Variants in VAV3 observed in about 807,000 individuals in gnomAD.
VAV3 encodes the protein guanine nucleotide exchange factor VAV3.
A neutral mutation model predicts 131.2 loss-of-function variants in VAV3; 94 were observed. That is an observed-to-expected ratio of 0.72 (90% CI 0.61 to 0.85). The LOEUF (loss-of-function observed/expected upper bound fraction) is 0.85, where lower values mean the gene tolerates loss of function less well. VAV3 is among the 40% of genes least tolerant of loss of function. The pLI is 0.00. For synonymous variants in VAV3, 349 were observed against 342.0 expected, an observed-to-expected ratio of 1.02 and a Z score of -0.22; for missense variants, 939 against 1,002.7, an observed-to-expected ratio of 0.94 and a Z score of 0.86.
intron 24 of VAV3, among the ~76,000 whole-genome samples, chr1:107,598,916 G>A (rs1166623339): frequency 1.3e-5 from 2 of 152,082 alleles, no homozygotes; most frequent in Non-Finnish European, 1.5e-5. Context: ...TTTAGCAAAT[G>A]TGAAAACAAA....
intron 1 of VAV3, among the ~76,000 whole-genome samples, chr1:107,924,322 T>C (rs1673049510): frequency 6.6e-6 from 1 of 150,798 alleles, no homozygotes; most frequent in South Asian, 2.1e-4. Flanking sequence ...TGTTTCCACA[T>C]AAAGAATTTT....
intron 2 of VAV3, among the ~76,000 whole-genome samples, chr1:107,873,552 C>T (rs988331058): frequency 1.1e-4 from 17 of 152,046 alleles, no homozygotes; most frequent in Non-Finnish European, 2.1e-4. Context: ...TTTTCAGGGC[C>T]AACAGCTTAG....
At chr1:107,899,270 T>C (rs1671749590) in intron 1 of VAV3, among the ~76,000 whole-genome samples, 1 of 152,106 alleles carries the variant, frequency 6.6e-6, no homozygotes, top group African/African-American at 2.4e-5. Flanking sequence ...GGCACAGTCA[T>C]AGAGATATAT....
At chr1:107,640,481 A>G (rs1655262489) in intron 20 of VAV3, among the ~76,000 whole-genome samples, 1 of 152,228 alleles carries the variant, frequency 6.6e-6, no homozygotes. Flanking sequence ...ACAAAGCAAC[A>G]GGAAGGAGCA....
rs558858218 is a variant in VAV3 at position 107,885,429 on chromosome 1, T to TAA, written c.205-10414_205-10413dup. 4.2e-3 allele frequency among the ~76,000 whole-genome samples: 612 copies of TAA among 144,682 alleles called. 5 individuals carry two copies. Among genetic ancestry groups the TAA allele is most frequent in the African/African-American group, 0.015 (575 of 39,430 alleles). The allele number at this position is 144,682 out of a possible 152,430, so 94.9% of individuals were successfully genotyped here. ...AACTTATTTTAAAAGTACCAACAGT[T>TAA]AAAAAAAAAAGAAAAGAAAAATACA... On this transcript the variant is annotated intron_variant, in intron 1 of 26. Coordinates refer to ENST00000370056, the MANE Select transcript of VAV3 (RefSeq NM_006113.5).
At chr1:107,725,054 G>GGTA (rs2101939572) in intron 15 of VAV3, among the ~76,000 whole-genome samples, 1 of 152,290 alleles carries the variant, frequency 6.6e-6, no homozygotes, top group East Asian at 1.9e-4. Context: ...TAGCAATCTA[G>GGTA]GTAGAAGACC....
chr1:107,745,188 G>C (rs1663261813), intron 15 of VAV3, among the ~76,000 whole-genome samples: 3 of 151,684 alleles, frequency 2.0e-5, no homozygotes, highest in African/African-American at 7.3e-5. Context: ...GAGACAGTTA[G>C]TGACAAAAAA....
chr1:107,950,357 T>C (rs924206778), intron 1 of VAV3, among the ~76,000 whole-genome samples: 1 of 152,068 alleles, frequency 6.6e-6, no homozygotes, highest in South Asian at 2.1e-4. Context: ...TTGTAGTGTG[T>C]GGAATGGGAC....
At chr1:107,844,955 C>A (rs1668897308) in intron 2 of VAV3, among the ~76,000 whole-genome samples, 2 of 151,768 alleles carry the variant, frequency 1.3e-5, no homozygotes, top group South Asian at 4.2e-4. Flanking sequence ...TTGAGCTCTG[C>A]TAAGGGACAG....
rs1670198447 is a variant in VAV3 at position 107,870,391 on chromosome 1, T to C, written c.321+4510A>G. ...TTTGCATTTCCCTGATCATTAGTGA[T>C]ATTGAACATTTTTTCATATGTTTGT... On this transcript the variant is annotated intron_variant, in intron 2 of 26. Transcript: ENST00000370056. Among the ~76,000 whole-genome samples, 6 of 152,212 alleles carry C rather than the reference T, an allele frequency of 3.9e-5. No individual in the cohort carries two copies. The South Asian group carries it at 1.2e-3, about 31-fold the overall frequency.
intron 19 of VAV3, among the ~76,000 whole-genome samples, chr1:107,645,484 CTT>C (rs1301831020): frequency 6.6e-6 from 1 of 152,026 alleles, no homozygotes; most frequent in Non-Finnish European, 1.5e-5. Context: ...ACAACTTGCT[CTT>C]TGCTTCTGAT....
At chr1:107,958,170 C>T (rs1674908291) in intron 1 of VAV3, among the ~76,000 whole-genome samples, 1 of 152,176 alleles carries the variant, frequency 6.6e-6, no homozygotes, top group African/African-American at 2.4e-5. Context: ...TCTGAGAAGA[C>T]TAAGGAATGA....
At chr1:107,826,829 C>G (rs1668036950) in intron 2 of VAV3, among the ~76,000 whole-genome samples, 1 of 152,022 alleles carries the variant, frequency 6.6e-6, no homozygotes, top group South Asian at 2.1e-4. Context: ...AAGAAAGAAA[C>G]AAACGGAAAA....
intron 19 of VAV3, among the ~76,000 whole-genome samples, chr1:107,656,613 T>C (rs1219280470): frequency 6.6e-6 from 1 of 152,126 alleles, no homozygotes; most frequent in Non-Finnish European, 1.5e-5. Flanking sequence ...AATTCAAATG[T>C]TCCAAGCATA....
At chr1:107,862,749 C>G (rs978466928) in intron 2 of VAV3, 6 of 149,594 alleles carry the variant, frequency 4.0e-5, no homozygotes, top group African/African-American at 1.2e-4. Context: ...GGCCCAACAA[C>G]TAAGGCTAGG....
chr1:107,888,386 A>G (rs964013934), intron 1 of VAV3, among the ~76,000 whole-genome samples: 1 of 152,120 alleles, frequency 6.6e-6, no homozygotes, highest in Admixed American at 6.5e-5. Flanking sequence ...CCTTTCCCCA[A>G]CTACAAAGGA....
At chr1:107,652,881 T>C (rs1328474885) in intron 19 of VAV3, among the ~76,000 whole-genome samples, 2 of 152,138 alleles carry the variant, frequency 1.3e-5, no homozygotes, top group Non-Finnish European at 2.9e-5. Flanking sequence ...ATATATTCCT[T>C]AAAGGTTCTT....
chr1:107,740,363 G>A (rs1662940658), intron 15 of VAV3, among the ~76,000 whole-genome samples: 1 of 152,028 alleles, frequency 6.6e-6, no homozygotes, highest in African/African-American at 2.4e-5. Context: ...GCTGCTACTG[G>A]CCTGGACTCC....
intron 9 of VAV3, among the ~76,000 whole-genome samples, chr1:107,764,799 CATAAG>C (rs1375428267): frequency 6.6e-6 from 1 of 152,138 alleles, no homozygotes; most frequent in East Asian, 1.9e-4. Context: ...TCAGCTTTCT[CATAAG>C]ATGAGAAAAT....
Sources: gnomAD v4.1 joint callset for allele counts (sites outside exome capture counted in the v4.1 genomes callset) on GRCh38, gnomAD v4.1.1 for gene constraint, MANE v1.5 for transcripts, NCBI Gene and HGNC (gene_info 2026-07-23, HGNC 2026-07-21) for gene names.